Variants in EPHA5 observed in about 807,000 individuals in gnomAD.
EPHA5 encodes the protein EPH receptor A5, also known as ephrin type-A receptor 5.
EPHA5 carries 60 observed loss-of-function variants against 105.0 expected under a neutral mutation model. The observed-to-expected ratio is 0.57, with a 90% CI of 0.46 to 0.71. The LOEUF is 0.71. Ranked by LOEUF, EPHA5 falls within the 30% of genes least tolerant of loss-of-function variation. The pLI is 0.00. For missense variants in EPHA5, 1,218 were observed against 1,274.7 expected, an observed-to-expected ratio of 0.96 and a Z score of 0.68; for synonymous variants, 513 against 449.1, an observed-to-expected ratio of 1.14 and a Z score of -1.80.
intron 5 of EPHA5, among the ~76,000 whole-genome samples, chr4:65,423,288 C>T (rs4349648): frequency 0.97 from 147,012 of 152,096 alleles, 71,287 homozygotes; most frequent in East Asian, 1. Flanking sequence ...ACCGTTATGT[C>T]ACCTTTGATT....
rs1162142172 is a variant in EPHA5, at chr4:65,490,457, A to G, written c.1322T>C (p.Ile441Thr). The G allele has an allele frequency of 6.2e-7, 1 of 1,614,118 alleles. No individual in the cohort carries two copies. The highest frequency in any genetic ancestry group is 8.5e-7 in the Non-Finnish European group (1 of 1,180,024). The change falls in exon 5 of 17, where the codon ATT (isoleucine) becomes ACT (threonine). Residue 441 changes from isoleucine to threonine, a missense_variant. Physicochemically the swap from Ile to Thr is moderately conservative, Grantham distance 89. This residue lies in a region of EPHA5 where 971 missense variants were observed against 1,013.5 expected (regional missense o/e 0.96). Transcript: ENST00000613740. ...LLAHTNYTFE[I>T]EAVNGVSDLS... ...GTCGGACACTCCATTCACTGCCTCA[A>G]TCTCAAAGGTATAGTTTGTGTGAGC...
intron 5 of EPHA5, among the ~76,000 whole-genome samples, chr4:65,425,096 G>C (rs1282342429): frequency 6.6e-6 from 1 of 151,946 alleles, no homozygotes; most frequent in Non-Finnish European, 1.5e-5. Context: ...CATATTTTAA[G>C]TCTCAAAGAC....
chr4:65,587,769 G>A (rs1329895141), intron 3 of EPHA5, among the ~76,000 whole-genome samples: 2 of 151,902 alleles, frequency 1.3e-5, no homozygotes, highest in East Asian at 1.9e-4. Flanking sequence ...CCATCTTCCC[G>A]CTACTACATT....
chr4:65,616,454 CAG>C (rs1235345244), intron 2 of EPHA5, among the ~76,000 whole-genome samples: 1,717 of 147,534 alleles, frequency 0.012, 7 homozygotes, highest in Middle Eastern at 0.032. Flanking sequence ...CACACACACA[CAG>C]AGAGAGAGAG....
chr4:65,336,277 C>T, intron 14 of EPHA5, 152 bp from the exon 15 acceptor site: 2 of 453,246 alleles, frequency 4.4e-6, no homozygotes, highest in Non-Finnish European at 7.4e-6. Flanking sequence ...ACGGCTATTT[C>T]CATTTGCTGC....
chr4:65,493,173 G>A (rs1339657470), intron 4 of EPHA5, among the ~76,000 whole-genome samples: 53 of 151,882 alleles, frequency 3.5e-4, no homozygotes, highest in Admixed American at 3.5e-3. Flanking sequence ...CCCTAAAATA[G>A]AGGTAAAAAG....
At chr4:65,341,267 A>C (rs1381348775) in intron 14 of EPHA5, among the ~76,000 whole-genome samples, 1 of 152,104 alleles carries the variant, frequency 6.6e-6, no homozygotes, top group Non-Finnish European at 1.5e-5. Context: ...GAAACACCTC[A>C]GGTTCCAAAT....
chr4:65,573,410 C>CAAA (rs71657188), intron 3 of EPHA5: 6,837 of 647,658 alleles, frequency 0.011, 87 homozygotes, highest in African/African-American at 0.033. Context: ...GACTCCGTCT[C>CAAA]AAAAAAAAAA....
chr4:65,438,420 A>G (rs1442131930), intron 5 of EPHA5, among the ~76,000 whole-genome samples: 1 of 151,914 alleles, frequency 6.6e-6, no homozygotes. Context: ...ATATATACAC[A>G]CACATGTATA....
intron 2 of EPHA5, among the ~76,000 whole-genome samples, chr4:65,608,760 A>C (rs975663384): frequency 6.6e-6 from 1 of 152,206 alleles, no homozygotes; most frequent in African/African-American, 2.4e-5. Context: ...TGACATAATT[A>C]TACTGCAGAA....
At chr4:65,448,015 C>T (rs894898267) in intron 5 of EPHA5, among the ~76,000 whole-genome samples, 1 of 152,002 alleles carries the variant, frequency 6.6e-6, no homozygotes, top group African/African-American at 2.4e-5. Flanking sequence ...GCATATTCAA[C>T]AATCATGATG....
At chr4:65,358,341 G>C (rs1342503838) in intron 11 of EPHA5, among the ~76,000 whole-genome samples, 2 of 151,422 alleles carry the variant, frequency 1.3e-5, no homozygotes, top group Non-Finnish European at 1.5e-5. Flanking sequence ...ATTGTCACTG[G>C]ATTTCTCTTA....
At chr4:65,514,705 CT>C in intron 3 of EPHA5, among the ~76,000 whole-genome samples, 1 of 152,268 alleles carries the variant, frequency 6.6e-6, no homozygotes, top group Admixed American at 6.5e-5. Context: ...TAACAGAACA[CT>C]CCCATTTTTC....
intron 3 of EPHA5, among the ~76,000 whole-genome samples, chr4:65,542,116 G>T (rs576446140): frequency 6.6e-6 from 1 of 151,722 alleles, no homozygotes; most frequent in Non-Finnish European, 1.5e-5. Flanking sequence ...AGCACTAAAA[G>T]GTTCACATCA....
intron 1 of EPHA5, among the ~76,000 whole-genome samples, chr4:65,657,064 A>C (rs975320499): frequency 6.6e-6 from 1 of 151,890 alleles, no homozygotes; most frequent in Non-Finnish European, 1.5e-5. Context: ...ACGTAAATCT[A>C]TCTTAAAATG....
chr4:65,601,590 A>T (rs762662837), intron 3 of EPHA5, 51 bp downstream of exon 3: 1 of 1,538,570 alleles, frequency 6.5e-7, no homozygotes, highest in Admixed American at 1.8e-5. Context: ...ATACATATAC[A>T]TGATCCAACT....
chr4:65,637,605 T>A (rs890544932), intron 2 of EPHA5, among the ~76,000 whole-genome samples: 2 of 144,684 alleles, frequency 1.4e-5, no homozygotes, highest in Middle Eastern at 7.4e-3. Context: ...TATACGTATA[T>A]GCTAAAACAA....
intron 4 of EPHA5, among the ~76,000 whole-genome samples, chr4:65,492,821 G>C (rs550678039): frequency 2.0e-5 from 3 of 151,870 alleles, no homozygotes; most frequent in Non-Finnish European, 4.4e-5. Context: ...GGGATTGCTG[G>C]GTTAAATGGT....
chr4:65,425,729 T>C (rs1234684712), intron 5 of EPHA5, among the ~76,000 whole-genome samples: 2 of 152,134 alleles, frequency 1.3e-5, no homozygotes, highest in Non-Finnish European at 2.9e-5. Flanking sequence ...TGCTGCTGAC[T>C]TGAACCAGTG....
Sources: allele counts gnomAD v4.1 joint callset (sites outside exome capture counted in the v4.1 genomes callset), GRCh38; gene constraint gnomAD v4.1.1; regional missense constraint gnomAD v4.1.1; transcripts MANE v1.5; gene names NCBI Gene and HGNC (gene_info 2026-07-23, HGNC 2026-07-21).